CNTN6: variants seen among roughly 807,000 people sequenced by gnomAD.
CNTN6 encodes the protein contactin 6, also known as contactin-6.
A neutral mutation model predicts 122.8 loss-of-function variants in CNTN6; 137 were observed. That is an observed-to-expected ratio of 1.12 (90% CI 0.97 to 1.29). The LOEUF is 1.29. CNTN6 is among the 50% of genes most tolerant of loss of function. The pLI is 0.00. For missense variants in CNTN6, 1,634 were observed against 1,223.4 expected, an observed-to-expected ratio of 1.34 and a Z score of -5.01; for synonymous variants, 570 against 426.0, an observed-to-expected ratio of 1.34 and a Z score of -4.16.
At chr3:1,115,689 T>C (rs2091690683) in intron 1 of CNTN6, among the ~76,000 whole-genome samples, 2 of 151,912 alleles carry the variant, frequency 1.3e-5, no homozygotes. Context: ...GAGGCAGAGG[T>C]TACAGTGAGC....
At chr3:1,143,402 T>C (rs1245931587) in intron 1 of CNTN6, among the ~76,000 whole-genome samples, 6 of 152,154 alleles carry the variant, frequency 3.9e-5, no homozygotes, top group Admixed American at 6.6e-5. Context: ...GTGATACATT[T>C]TTGAGACTCT....
intron 12 of CNTN6, among the ~76,000 whole-genome samples, chr3:1,358,720 T>G (rs1213623743): frequency 6.6e-6 from 1 of 151,928 alleles, no homozygotes; most frequent in Non-Finnish European, 1.5e-5. Flanking sequence ...CAGAAGAAAA[T>G]ATCATTTGTA....
In CNTN6 at chr3:1,238,881, A is replaced by AT. The variant is rs553341013; in HGVS notation, c.358+10889dup. 5.9e-5 allele frequency among the ~76,000 whole-genome samples: 9 copies of AT among 152,292 alleles called. No individual in the cohort carries two copies. The South Asian group carries it at 1.7e-3, about 28-fold the overall frequency. ...CTCTTTGAAAAGATAAATAAAATTG[A>AT]TAGACTGTTAGTGAGATTAACCAAG... is the stretch of plus-strand genomic sequence containing the variant. On this transcript the variant is annotated intron_variant, in intron 4 of 22. Coordinates refer to ENST00000446702, the MANE Select transcript of CNTN6 (RefSeq NM_001289080.2).
intron 2 of CNTN6, among the ~76,000 whole-genome samples, chr3:1,196,605 G>C (rs1306526393): frequency 1.3e-5 from 2 of 152,108 alleles, no homozygotes; most frequent in Non-Finnish European, 2.9e-5. Context: ...AAAGCTCTTG[G>C]ACCAAGACCT....
intron 2 of CNTN6, among the ~76,000 whole-genome samples, chr3:1,150,553 G>C (rs2092818227): frequency 6.6e-6 from 1 of 152,112 alleles, no homozygotes; most frequent in African/African-American, 2.4e-5. Flanking sequence ...TTGATTCTGG[G>C]ACACTTTTAA....
chr3:1,395,265 A>T (rs1402845590), intron 20 of CNTN6, among the ~76,000 whole-genome samples: 1 of 152,224 alleles, frequency 6.6e-6, no homozygotes, highest in East Asian at 1.9e-4. Context: ...AATGGCCTTA[A>T]ACTCAGTGTT....
intron 20 of CNTN6, among the ~76,000 whole-genome samples, chr3:1,388,333 A>T (rs1055780753): frequency 8.9e-5 from 13 of 146,258 alleles, no homozygotes; most frequent in Admixed American, 6.3e-4. Flanking sequence ...GTATGCCAAC[A>T]GACCTGAAGC....
chr3:1,390,155 T>G (rs1212291301), intron 20 of CNTN6, among the ~76,000 whole-genome samples: 4 of 151,798 alleles, frequency 2.6e-5, no homozygotes, highest in Admixed American at 6.6e-5. Context: ...ACCACATACT[T>G]GGAAGTAAAG....
At chr3:1,291,353 A>C (rs1695289716) in intron 5 of CNTN6, among the ~76,000 whole-genome samples, 1 of 152,208 alleles carries the variant, frequency 6.6e-6, no homozygotes, top group Admixed American at 6.5e-5. Flanking sequence ...AAGTTCTAGC[A>C]GCTAAGGTAA....
chr3:1,383,360 G>T lies in CNTN6; in HGVS notation c.2469G>T (p.Trp823Cys). The T allele has an allele frequency of 6.2e-7, 1 of 1,613,976 alleles. No individual in the cohort carries two copies. The highest frequency in any genetic ancestry group is 1.7e-5 in the Admixed American group (1 of 60,010). Residue 823 changes from tryptophan to cysteine, a missense_variant, in exon 19 of 23, where the codon TGG (tryptophan) becomes TGT (cysteine). By Grantham distance (215) the Trp-to-Cys change is radical (BLOSUM62 -2). Coordinates refer to ENST00000446702, the MANE Select transcript of CNTN6 (RefSeq NM_001289080.2). ...SFSASEMEVSWNAIAWNRNTG... is the reference protein window; with the variant it reads ...SFSASEMEVSCNAIAWNRNTG... ...CTGCTTCTGAAATGGAGGTTTCATG[G>T]AATGCTATTGCCTGGAATAGAAACA...
intron 1 of CNTN6, among the ~76,000 whole-genome samples, chr3:1,107,287 C>T (rs2091272244): frequency 6.6e-6 from 1 of 151,960 alleles, no homozygotes; most frequent in Non-Finnish European, 1.5e-5. Flanking sequence ...TAAAATATGT[C>T]ATATGGTTTA....
At chr3:1,195,900 T>G (rs959224748) in intron 2 of CNTN6, among the ~76,000 whole-genome samples, 18 of 145,710 alleles carry the variant, frequency 1.2e-4, no homozygotes, top group African/African-American at 4.6e-4. Context: ...CAAAGAGAAG[T>G]TTTTTTTTTA....
At chr3:1,274,778 G>A (rs1409142544) in intron 4 of CNTN6, among the ~76,000 whole-genome samples, 1 of 151,980 alleles carries the variant, frequency 6.6e-6, no homozygotes, top group Non-Finnish European at 1.5e-5. Flanking sequence ...TGTATGGTTG[G>A]CCCTAACCAC....
In CNTN6 at chr3:1,385,767, C is replaced by CT. The variant is rs1692801468; in HGVS notation, c.2674_2675insT (p.Pro892LeufsTer27). On this transcript the variant is annotated frameshift_variant, in exon 20 of 23. Transcript: ENST00000446702. LOFTEE classifies it high-confidence loss of function. Reference sequence around the variant, plus strand: ...CACTGCTGGGACAGGGCCCTCAAGCCCCCCAGTCAATGTTACCACCAAAAA... The same window carrying CT: ...CACTGCTGGGACAGGGCCCTCAAGCCTCCCCAGTCAATGTTACCACCAAAAA... 6.2e-7 allele frequency: 1 copy of CT among 1,611,596 alleles called. No homozygotes were observed. The highest frequency in any genetic ancestry group is 8.5e-7 in the Non-Finnish European group (1 of 1,179,152).
At chr3:1,289,875 C>G (rs189903527) in intron 5 of CNTN6, among the ~76,000 whole-genome samples, 4 of 152,044 alleles carry the variant, frequency 2.6e-5, no homozygotes, top group South Asian at 4.1e-4. Flanking sequence ...GGGGTTTCAC[C>G]GTGTTAGCCA....
At chr3:1,346,223 A>G (rs539533197) in intron 11 of CNTN6, among the ~76,000 whole-genome samples, 1 of 152,280 alleles carries the variant, frequency 6.6e-6, no homozygotes, top group South Asian at 2.1e-4. Flanking sequence ...ATTGTATTGA[A>G]ATAGTTTAGT....
chr3:1,337,859 CCT>C (rs1040950256), intron 11 of CNTN6, among the ~76,000 whole-genome samples: 2 of 152,038 alleles, frequency 1.3e-5, no homozygotes, highest in Non-Finnish European at 2.9e-5. Flanking sequence ...TGTGTGTGCC[CCT>C]GTCAGTCTTG....
intron 11 of CNTN6, among the ~76,000 whole-genome samples, chr3:1,332,941 C>T (rs943865405): frequency 6.6e-6 from 1 of 152,036 alleles, no homozygotes; most frequent in African/African-American, 2.4e-5. Flanking sequence ...ATTTAGCTTT[C>T]AAATTGTCAT....
intron 4 of CNTN6, among the ~76,000 whole-genome samples, chr3:1,241,553 A>G (rs144516731): frequency 0.022 from 3,320 of 152,204 alleles, 116 homozygotes; most frequent in African/African-American, 0.077. Flanking sequence ...AAAGGAGGAG[A>G]AAAATGGGTA....
Sources: allele counts gnomAD v4.1 joint callset (sites outside exome capture counted in the v4.1 genomes callset), GRCh38; gene constraint gnomAD v4.1.1; transcripts MANE v1.5; gene names NCBI Gene and HGNC (gene_info 2026-07-23, HGNC 2026-07-21).